The following COX7B2 variants were observed in gnomAD, a reference collection of about 807,000 sequenced individuals.
COX7B2 encodes the protein cytochrome c oxidase subunit 7B2, also known as cytochrome c oxidase subunit 7B2, mitochondrial.
For synonymous variants in COX7B2, 37 were observed against 32.1 expected, an observed-to-expected ratio of 1.15 and a Z score of -0.51; for missense variants, 109 against 95.9, an observed-to-expected ratio of 1.14 and a Z score of -0.57.
At chr4:46,817,725 A>G (rs1719628938) in intron 2 of COX7B2, among the ~76,000 whole-genome samples, 1 of 152,182 alleles carries the variant, frequency 6.6e-6, no homozygotes, top group Non-Finnish European at 1.5e-5. Context: ...AGACTCAATG[A>G]AATTTAAAGA....
At chr4:46,831,075 G>C (rs1462679045) in intron 2 of COX7B2, among the ~76,000 whole-genome samples, 1 of 152,166 alleles carries the variant, frequency 6.6e-6, no homozygotes, top group Non-Finnish European at 1.5e-5. Flanking sequence ...GCTGCACAAG[G>C]CTTGCAGGCC....
At chr4:46,801,038 A>G (rs1312424164) in intron 2 of COX7B2, among the ~76,000 whole-genome samples, 1 of 152,152 alleles carries the variant, frequency 6.6e-6, no homozygotes, top group Non-Finnish European at 1.5e-5. Context: ...CTCCAATAAG[A>G]TACCATCTCA....
intron 1 of COX7B2, among the ~76,000 whole-genome samples, chr4:46,887,369 C>T (rs919954860): frequency 1.3e-5 from 2 of 152,138 alleles, no homozygotes; most frequent in Non-Finnish European, 2.9e-5. Context: ...ACCCAGGGCT[C>T]AGTCCTGGAG....
chr4:46,896,379 A>C (rs1055363139), intron 1 of COX7B2, among the ~76,000 whole-genome samples: 1 of 152,222 alleles, frequency 6.6e-6, no homozygotes, highest in Admixed American at 6.5e-5. Context: ...GTACCCAGTG[A>C]CAATTTTAGG....
At chr4:46,809,745 C>T (rs1339430597) in intron 2 of COX7B2, among the ~76,000 whole-genome samples, 2 of 151,850 alleles carry the variant, frequency 1.3e-5, no homozygotes, top group African/African-American at 2.4e-5. Context: ...ATGGAAAGTT[C>T]TGTATATGTC....
intron 2 of COX7B2, among the ~76,000 whole-genome samples, chr4:46,747,203 C>T (rs1304952363): frequency 1.3e-5 from 2 of 152,146 alleles, no homozygotes; most frequent in Non-Finnish European, 2.9e-5. Flanking sequence ...TCTCCTTTCT[C>T]CCGCCCTCCA....
rs565078514 is a variant in COX7B2, at chr4:46,829,223, A to T, written c.-50+15737T>A. ...TACTCATCTTGTTTTAAATTGAAAA[A>T]TATGTAAAGAATCATGAGTCAGTTT... On this transcript the variant is annotated intron_variant, in intron 2 of 2. Transcript: ENST00000355591. Among the ~76,000 whole-genome samples, 5 of 152,292 alleles carry T rather than the reference A, an allele frequency of 3.3e-5. No individual in the cohort carries two copies. In the South Asian group the frequency reaches 1.0e-3, roughly 32 times the overall value.
At chr4:46,766,898 C>T (rs1262724825) in intron 2 of COX7B2, among the ~76,000 whole-genome samples, 1 of 151,936 alleles carries the variant, frequency 6.6e-6, no homozygotes, top group Non-Finnish European at 1.5e-5. Flanking sequence ...AGCCTACTAC[C>T]ACGAAAAAAT....
chr4:46,779,828 G>T (rs933736495), intron 2 of COX7B2, among the ~76,000 whole-genome samples: 2 of 151,722 alleles, frequency 1.3e-5, no homozygotes, highest in South Asian at 2.1e-4. Context: ...GGGATGGAGT[G>T]GGGGGAAGCA....
chr4:46,801,025 A>C (rs1475182388), intron 2 of COX7B2, among the ~76,000 whole-genome samples: 1 of 152,116 alleles, frequency 6.6e-6, no homozygotes, highest in African/African-American at 2.4e-5. Flanking sequence ...AATAAAATCA[A>C]AACTCCAATA....
chr4:46,881,138 T>A (rs1453250509), intron 1 of COX7B2, among the ~76,000 whole-genome samples: 1 of 152,032 alleles, frequency 6.6e-6, no homozygotes, highest in Non-Finnish European at 1.5e-5. Context: ...ATTTAGAAAG[T>A]TTATTTTGCC....
chr4:46,795,047 T>C (rs1399322502), intron 2 of COX7B2, among the ~76,000 whole-genome samples: 1 of 139,744 alleles, frequency 7.2e-6, no homozygotes, highest in Non-Finnish European at 1.5e-5. Context: ...GATGGGGTTG[T>C]TTGTTTTTTT....
chr4:46,827,712 T>G (rs1004769542), intron 2 of COX7B2, among the ~76,000 whole-genome samples: 1 of 152,100 alleles, frequency 6.6e-6, no homozygotes, highest in Non-Finnish European at 1.5e-5. Flanking sequence ...CAGGAAGGAA[T>G]GAAGAGCACC....
chr4:46,804,542 A>T (rs1397497941), intron 2 of COX7B2, among the ~76,000 whole-genome samples: 1 of 152,130 alleles, frequency 6.6e-6, no homozygotes, highest in Non-Finnish European at 1.5e-5. Context: ...GTGTGGACAC[A>T]AAGGTTCTCC....
At chr4:46,750,524 C>CA (rs11399640) in intron 2 of COX7B2, among the ~76,000 whole-genome samples, 49,697 of 151,746 alleles carry the variant, frequency 0.33, 8,399 homozygotes, top group South Asian at 0.47. Flanking sequence ...AGATATTTAC[C>CA]AAAATAACTT....
intron 2 of COX7B2, among the ~76,000 whole-genome samples, chr4:46,738,105 A>G (rs1714476915): frequency 6.6e-6 from 1 of 152,188 alleles, no homozygotes; most frequent in African/African-American, 2.4e-5. Context: ...TTAATCCAGT[A>G]CAAAAGGACC....
intron 2 of COX7B2, among the ~76,000 whole-genome samples, chr4:46,759,224 C>T (rs1013875650): frequency 2.6e-5 from 4 of 152,022 alleles, no homozygotes; most frequent in East Asian, 1.9e-4. Context: ...CATAGAGAAA[C>T]GAGGCACCAG....
At chr4:46,836,897 A>G (rs370507568) in intron 2 of COX7B2, among the ~76,000 whole-genome samples, 1 of 152,160 alleles carries the variant, frequency 6.6e-6, no homozygotes, top group African/African-American at 2.4e-5. Context: ...TCATGCGATC[A>G]CTGTCACATA....
intron 1 of COX7B2, among the ~76,000 whole-genome samples, chr4:46,878,348 T>C (rs1335650097): frequency 6.6e-6 from 1 of 151,992 alleles, no homozygotes; most frequent in Non-Finnish European, 1.5e-5. Context: ...CTATAGTTCA[T>C]AATATTCTAA....
Sources: allele counts gnomAD v4.1 joint callset (sites outside exome capture counted in the v4.1 genomes callset), GRCh38; gene constraint gnomAD v4.1.1; transcripts MANE v1.5; gene names NCBI Gene and HGNC (gene_info 2026-07-23, HGNC 2026-07-21).